The following SHISA9 variants were observed in gnomAD, a reference collection of about 807,000 sequenced individuals.
SHISA9 encodes the protein protein shisa-9.
A neutral mutation model predicts 38.0 loss-of-function variants in SHISA9; 13 were observed. The observed-to-expected ratio is 0.34, with a 90% CI of 0.22 to 0.54. The LOEUF (loss-of-function observed/expected upper bound fraction) is 0.54, where lower values mean the gene tolerates loss of function less well. Among genes scored for constraint, SHISA9 ranks in the 20% least tolerant of loss-of-function variants. The probability of loss-of-function intolerance (pLI) is 0.91; values close to 1 mark genes in which losing one functional copy is unlikely to be tolerated. For missense variants in SHISA9, 538 were observed against 575.8 expected (o/e 0.93, Z 0.67); for synonymous variants, 275 against 242.0 (o/e 1.14, Z -1.27).
At chr16:13,388,930 T>C in the SHISA9 span, among the ~76,000 whole-genome samples, 1 of 152,138 alleles carries the variant, frequency 6.6e-6, no homozygotes, top group African/African-American at 2.4e-5. Context: ...GACATTATTT[T>C]TTGGAGTAGT....
chr16:13,261,242 A>C, the SHISA9 span, among the ~76,000 whole-genome samples: 2 of 152,232 alleles, frequency 1.3e-5, no homozygotes, highest in East Asian at 3.9e-4. Flanking sequence ...TTGGGAATTT[A>C]GGGTATTTTA....
chr16:12,934,079 A>T (rs1162402508), intron 2 of SHISA9, among the ~76,000 whole-genome samples: 2 of 152,186 alleles, frequency 1.3e-5, no homozygotes, highest in East Asian at 3.8e-4. Context: ...AGGATGTGCA[A>T]AGGCCCTGAG....
the SHISA9 span, among the ~76,000 whole-genome samples, chr16:13,487,569 A>G: frequency 2.0e-5 from 3 of 152,326 alleles, no homozygotes; most frequent in African/African-American, 7.2e-5. Flanking sequence ...ATCTGCCCCC[A>G]TGATCCAAAA....
intron 2 of SHISA9, among the ~76,000 whole-genome samples, chr16:12,919,066 T>C (rs1340858198): frequency 6.6e-6 from 1 of 152,188 alleles, no homozygotes; most frequent in Non-Finnish European, 1.5e-5. Context: ...CATTTGTATG[T>C]TCAGATGAAC....
chr16:13,153,290 A>C (rs563392037), intron 2 of SHISA9, among the ~76,000 whole-genome samples: 1 of 152,290 alleles, frequency 6.6e-6, no homozygotes, highest in African/African-American at 2.4e-5. Context: ...AACAAAAAAA[A>C]CCACATGCCT....
At chr16:13,063,209 T>TTGAGACTGGGATTTTA (rs1358579320) in intron 2 of SHISA9, among the ~76,000 whole-genome samples, 1 of 152,090 alleles carries the variant, frequency 6.6e-6, no homozygotes, top group Non-Finnish European at 1.5e-5. Context: ...GATTTCACTG[T>TTGAGACTGGGATTTTA]GTTAGCCAGG....
the SHISA9 span, among the ~76,000 whole-genome samples, chr16:13,459,261 G>T: frequency 2.0e-5 from 3 of 152,146 alleles, no homozygotes; most frequent in African/African-American, 4.8e-5. Context: ...CCCTGGTGTA[G>T]CCTTGACTTA....
At chr16:13,275,905 A>T in the SHISA9 span, among the ~76,000 whole-genome samples, 7 of 150,904 alleles carry the variant, frequency 4.6e-5, no homozygotes, top group African/African-American at 1.7e-4. Flanking sequence ...TGAAATTTTT[A>T]TTTTTTATTT....
intron 2 of SHISA9, among the ~76,000 whole-genome samples, chr16:12,929,012 A>G (rs1235008776): frequency 6.6e-6 from 1 of 152,260 alleles, no homozygotes; most frequent in Non-Finnish European, 1.5e-5. Flanking sequence ...AAAAGAAGAC[A>G]TACATGTGGC....
At chr16:13,264,425 G>A in the SHISA9 span, among the ~76,000 whole-genome samples, 6 of 152,070 alleles carry the variant, frequency 3.9e-5, no homozygotes, top group East Asian at 3.9e-4. Flanking sequence ...CGCCCCCCTC[G>A]GCTTCCCAAA....
chr16:12,948,686 A>T (rs1256721764), intron 2 of SHISA9, among the ~76,000 whole-genome samples: 1 of 152,310 alleles, frequency 6.6e-6, no homozygotes, highest in East Asian at 1.9e-4. Context: ...AATCCTGTTC[A>T]CAAGGGCTCT....
chr16:13,242,484 C>T (rs2051442596), downstream of SHISA9, among the ~76,000 whole-genome samples: 1 of 152,180 alleles, frequency 6.6e-6, no homozygotes, highest in African/African-American at 2.4e-5. Flanking sequence ...CTATGAGATG[C>T]AGAAGAAATT....
chr16:13,110,343 C>T (rs1035021342), intron 2 of SHISA9, among the ~76,000 whole-genome samples: 12 of 152,182 alleles, frequency 7.9e-5, no homozygotes, highest in Admixed American at 5.9e-4. Context: ...GGCTTTTTCT[C>T]CAGATGGGAC....
the SHISA9 span, among the ~76,000 whole-genome samples, chr16:13,522,308 G>T: frequency 6.6e-6 from 1 of 152,230 alleles, no homozygotes; most frequent in Non-Finnish European, 1.5e-5. Flanking sequence ...CCTGTTGGGA[G>T]ACCTTTGGCA....
At chr16:12,933,045 T>C (rs981234674) in intron 2 of SHISA9, among the ~76,000 whole-genome samples, 1 of 152,158 alleles carries the variant, frequency 6.6e-6, no homozygotes, top group African/African-American at 2.4e-5. Context: ...ATAGACCAAA[T>C]TGATGGATTG....
chr16:12,990,607 T>C (rs2072371844), intron 2 of SHISA9, among the ~76,000 whole-genome samples: 1 of 152,218 alleles, frequency 6.6e-6, no homozygotes, highest in East Asian at 1.9e-4. Flanking sequence ...AGGTTTTGCC[T>C]CCTGGGGGAC....
intron 2 of SHISA9, among the ~76,000 whole-genome samples, chr16:13,197,156 TAGAGAG>T (rs369827299): frequency 3.3e-4 from 46 of 141,384 alleles, no homozygotes; most frequent in Non-Finnish European, 4.5e-4. Flanking sequence ...TATATATATA[TAGAGAG>T]AGAGAGAGAG....
At chr16:13,364,444 G>C in the SHISA9 span, among the ~76,000 whole-genome samples, 149 of 152,330 alleles carry the variant, frequency 9.8e-4, 1 homozygote, top group African/African-American at 3.3e-3. Context: ...CAACTTGCAG[G>C]ATTTGGGTGG....
chr16:13,373,443 G>C, the SHISA9 span, among the ~76,000 whole-genome samples: 2 of 152,144 alleles, frequency 1.3e-5, no homozygotes, highest in African/African-American at 4.8e-5. Context: ...TATTGTCTCT[G>C]AGCCTTGGCT....
Sources: gnomAD v4.1 joint callset for allele counts (sites outside exome capture counted in the v4.1 genomes callset) on GRCh38, gnomAD v4.1.1 for gene constraint, MANE v1.5 for transcripts, NCBI Gene and HGNC (gene_info 2026-07-23, HGNC 2026-07-21) for gene names.